The following ATF6 variants were observed in gnomAD, a reference collection of about 807,000 sequenced individuals.
The protein encoded by ATF6 is activating transcription factor 6.
In ATF6, 53 loss-of-function variants were observed where a neutral mutation model predicts 83.6. That is an observed-to-expected ratio of 0.63 (90% CI 0.51 to 0.80). The LOEUF is 0.80. ATF6 is among the 30% of genes least tolerant of loss of function. ATF6 has a pLI of 0.00. For missense variants in ATF6, 744 were observed against 797.9 expected (o/e 0.93, Z 0.81); for synonymous variants, 288 against 285.8 (o/e 1.01, Z -0.08).
At chr1:161,867,885 T>C (rs1687040042) in intron 14 of ATF6, among the ~76,000 whole-genome samples, 1 of 152,202 alleles carries the variant, frequency 6.6e-6, no homozygotes, top group African/African-American at 2.4e-5. Flanking sequence ...ATTCTAGCAA[T>C]AGTACCATAT....
chr1:161,801,432 G>A (rs992976508), intron 6 of ATF6, among the ~76,000 whole-genome samples: 3 of 135,166 alleles, frequency 2.2e-5, no homozygotes, highest in African/African-American at 8.5e-5. Flanking sequence ...GCTAAGACTC[G>A]AGGCACATAC....
At chr1:161,924,221 A>G (rs934603520) in intron 15 of ATF6, among the ~76,000 whole-genome samples, 3 of 152,164 alleles carry the variant, frequency 2.0e-5, no homozygotes, top group Non-Finnish European at 4.4e-5. Flanking sequence ...GTGGAGTGTT[A>G]CATAGGTGTG....
intron 15 of ATF6, among the ~76,000 whole-genome samples, chr1:161,929,705 A>C (rs1011865889): frequency 6.6e-6 from 1 of 152,236 alleles, no homozygotes. Flanking sequence ...AGGAAACAAC[A>C]ACCAAAAAAG....
At chr1:161,792,405 C>A in intron 6 of ATF6, 78 bp downstream of exon 6, 2 of 1,395,632 alleles carry the variant, frequency 1.4e-6, no homozygotes, top group South Asian at 1.2e-5. Context: ...TGTTTTAATT[C>A]AGGTTATAAT....
chr1:161,870,131 T>C (rs1189598259), intron 14 of ATF6, among the ~76,000 whole-genome samples: 1 of 151,948 alleles, frequency 6.6e-6, no homozygotes, highest in South Asian at 2.1e-4. Context: ...AATCAAGATA[T>C]TTCATTGAAA....
At position 161,821,128 on chromosome 1, in the gene ATF6, TG is replaced by T; in HGVS notation, c.1156del (p.Ala386HisfsTer3). On this transcript the variant is annotated frameshift_variant, in exon 9 of 16. Transcript: ENST00000367942. LOFTEE classifies it high-confidence loss of function. ...KRRVVCVMIVLAFIILNYGPM... is the reference protein window; with the variant it reads ...KRRVVCVMIVXAFIILNYGPM... Reference sequence around the variant, plus strand: ...AGAGTTGTCTGTGTGATGATAGTATTGGCATTTATAATACTGAACTATGGAC... The same window carrying T: ...AGAGTTGTCTGTGTGATGATAGTATTGCATTTATAATACTGAACTATGGAC... 6.2e-7 allele frequency: 1 copy of T among 1,612,988 alleles called. No individual in the cohort carries two copies. The highest frequency in any genetic ancestry group is 8.5e-7 in the Non-Finnish European group (1 of 1,179,348).
At chr1:161,783,453 A>G (rs1456386629) in intron 3 of ATF6, among the ~76,000 whole-genome samples, 1 of 152,144 alleles carries the variant, frequency 6.6e-6, no homozygotes. Flanking sequence ...GTACATTTTT[A>G]TAGGATAAAT....
At chr1:161,795,395 A>G (rs1684991952) in intron 6 of ATF6, among the ~76,000 whole-genome samples, 1 of 152,196 alleles carries the variant, frequency 6.6e-6, no homozygotes, top group African/African-American at 2.4e-5. Context: ...ATATTTACAC[A>G]TTATTTGAAA....
intron 7 of ATF6, among the ~76,000 whole-genome samples, chr1:161,807,569 C>T (rs1488344630): frequency 1.3e-5 from 2 of 152,172 alleles, no homozygotes; most frequent in Non-Finnish European, 2.9e-5. Context: ...AAAATTACTT[C>T]TGTGCTGACT....
intron 14 of ATF6, among the ~76,000 whole-genome samples, chr1:161,867,715 A>G (rs1292631737): frequency 6.6e-6 from 1 of 152,070 alleles, no homozygotes; most frequent in African/African-American, 2.4e-5. Flanking sequence ...TTTCTATTAC[A>G]TTTTCTGTTT....
intron 9 of ATF6, among the ~76,000 whole-genome samples, chr1:161,829,788 A>G (rs576082443): frequency 1.6e-4 from 24 of 152,368 alleles, no homozygotes; most frequent in Non-Finnish European, 3.4e-4. Context: ...TAAACTAGGT[A>G]TTGATGGAAC....
chr1:161,908,280 G>A (rs1558020248), intron 14 of ATF6, among the ~76,000 whole-genome samples: 2 of 152,140 alleles, frequency 1.3e-5, no homozygotes, highest in Non-Finnish European at 2.9e-5. Flanking sequence ...TAATTTCAGT[G>A]GAGCAAAATG....
chr1:161,928,924 C>G (rs1447849993), intron 15 of ATF6, among the ~76,000 whole-genome samples: 1 of 152,170 alleles, frequency 6.6e-6, no homozygotes, highest in Non-Finnish European at 1.5e-5. Context: ...TTTTGCTGCT[C>G]TCATACATTC....
intron 12 of ATF6, among the ~76,000 whole-genome samples, chr1:161,858,744 TA>T (rs2101834193): frequency 6.6e-6 from 1 of 152,302 alleles, no homozygotes; most frequent in Non-Finnish European, 1.5e-5. Context: ...GCTAAACCCA[TA>T]CAGCTGAAAA....
chr1:161,940,339 A>G (rs1007874179), intron 15 of ATF6, among the ~76,000 whole-genome samples: 1 of 151,914 alleles, frequency 6.6e-6, no homozygotes. Flanking sequence ...CTGTCTCCTT[A>G]TTGCCTTTGG....
chr1:161,783,656 A>T (rs770825239), intron 3 of ATF6, among the ~76,000 whole-genome samples: 6 of 151,952 alleles, frequency 3.9e-5, no homozygotes, highest in Admixed American at 2.0e-4. Flanking sequence ...TCCTCAGCCA[A>T]CAAGTTCTAT....
At chr1:161,768,407 C>T (rs929382623) in intron 1 of ATF6, among the ~76,000 whole-genome samples, 1 of 152,144 alleles carries the variant, frequency 6.6e-6, no homozygotes, top group Non-Finnish European at 1.5e-5. Flanking sequence ...GTCTTCTCTT[C>T]TTTGAAGACT....
chr1:161,859,335 C>T (rs911006704), intron 12 of ATF6, among the ~76,000 whole-genome samples: 10 of 152,128 alleles, frequency 6.6e-5, no homozygotes, highest in African/African-American at 2.2e-4. Flanking sequence ...TCTGTTTTAG[C>T]GCTTATCGCA....
rs886115412 is a variant in ATF6, at chr1:161,959,627, G to A, written c.*973G>A. On this transcript the variant is annotated 3_prime_UTR_variant, in exon 16 of 16. Transcript: ENST00000367942. ...GGAGCTTGCAGTGAGCCGAGATCCC[G>A]CCACTGCACTCCAGCCTGGGCGACA... 4 of 132,426 alleles carry A rather than the reference G, an allele frequency of 3.0e-5. No homozygotes were observed. Among genetic ancestry groups the A allele is most frequent in the African/African-American group, 8.8e-5 (3 of 34,062 alleles). 8.2% of individuals were successfully genotyped at this position (132,426 alleles called of 1,614,324 possible).
Sources: gnomAD v4.1 joint callset for allele counts (sites outside exome capture counted in the v4.1 genomes callset) on GRCh38, gnomAD v4.1.1 for gene constraint, MANE v1.5 for transcripts, NCBI Gene and HGNC (gene_info 2026-07-23, HGNC 2026-07-21) for gene names.